Variants in LOC128462377 observed in about 807,000 individuals in gnomAD.
chr16:89,411,170 C>A, the LOC128462377 span, among the ~76,000 whole-genome samples: 2 of 152,268 alleles, frequency 1.3e-5, no homozygotes, highest in African/African-American at 2.4e-5. Flanking sequence ...CTGTCCACAC[C>A]CAGGGCCACG....
chr16:89,387,683 A>G, the LOC128462377 span, among the ~76,000 whole-genome samples: 1 of 144,948 alleles, frequency 6.9e-6, no homozygotes, highest in Non-Finnish European at 1.5e-5. Context: ...AAAAATAAAA[A>G]AAGAAAAAGA....
chr16:89,356,056 G>A, the LOC128462377 span, among the ~76,000 whole-genome samples: 1 of 152,194 alleles, frequency 6.6e-6, no homozygotes, highest in African/African-American at 2.4e-5. Flanking sequence ...ACTCCAGCCT[G>A]GGCACTGGAG....
At chr16:89,396,413 C>T in the LOC128462377 span, among the ~76,000 whole-genome samples, 1 of 152,212 alleles carries the variant, frequency 6.6e-6, no homozygotes, top group African/African-American at 2.4e-5. Flanking sequence ...AGCCCTGAGA[C>T]TCCCCTGCTG....
the LOC128462377 span, among the ~76,000 whole-genome samples, chr16:89,405,411 C>T: frequency 1.3e-5 from 2 of 151,886 alleles, no homozygotes; most frequent in Admixed American, 1.3e-4. Context: ...GTAGCCTCGA[C>T]CTCCTGGGCT....
At chr16:89,337,007 CAAAA>C in the LOC128462377 span, among the ~76,000 whole-genome samples, 139 of 47,734 alleles carry the variant, frequency 2.9e-3, no homozygotes, top group African/African-American at 0.011. Flanking sequence ...CTGGCTCTAC[CAAAA>C]AAAAAAAAAA....
chr16:89,409,299 C>A, the LOC128462377 span, among the ~76,000 whole-genome samples: 1 of 152,306 alleles, frequency 6.6e-6, no homozygotes, highest in South Asian at 2.1e-4. Context: ...AAAGCTCAAA[C>A]CCCCACAGGT....
chr16:89,343,773 G>C, the LOC128462377 span: 1 of 152,338 alleles, frequency 6.6e-6, no homozygotes, highest in Non-Finnish European at 1.5e-5. Flanking sequence ...CACCAGTGCA[G>C]CCTGCGTCAG....
the LOC128462377 span, among the ~76,000 whole-genome samples, chr16:89,378,570 AAT>A: frequency 6.6e-6 from 1 of 152,240 alleles, no homozygotes; most frequent in Non-Finnish European, 1.5e-5. Flanking sequence ...GCAGGCTGGA[AAT>A]AGTCTGGCTG....
chr16:89,348,428 T>A, the LOC128462377 span, among the ~76,000 whole-genome samples: 3 of 152,276 alleles, frequency 2.0e-5, no homozygotes, highest in East Asian at 5.8e-4. Flanking sequence ...TTAATGTGGG[T>A]GTTTCTCTAA....
chr16:89,408,122 A>G, the LOC128462377 span, among the ~76,000 whole-genome samples: 5 of 152,164 alleles, frequency 3.3e-5, no homozygotes, highest in African/African-American at 9.7e-5. Context: ...AAGAGAGGCC[A>G]AGACAGCTCG....
the LOC128462377 span, among the ~76,000 whole-genome samples, chr16:89,353,900 A>G: frequency 6.6e-6 from 1 of 152,228 alleles, no homozygotes. Flanking sequence ...CCTCTCATGC[A>G]GGGAGCGTGG....
chr16:89,359,466 C>G, the LOC128462377 span, among the ~76,000 whole-genome samples: 1 of 152,180 alleles, frequency 6.6e-6, no homozygotes, highest in African/African-American at 2.4e-5. Flanking sequence ...TGCTGCAGCC[C>G]CTCGGCCCCC....
the LOC128462377 span, among the ~76,000 whole-genome samples, chr16:89,321,993 C>T: frequency 6.6e-6 from 1 of 152,230 alleles, no homozygotes; most frequent in Admixed American, 6.5e-5. Context: ...TTTCACGTCT[C>T]TAGTTTGCTC....
the LOC128462377 span, among the ~76,000 whole-genome samples, chr16:89,391,214 C>G: frequency 7.4e-6 from 1 of 134,354 alleles, no homozygotes; most frequent in Non-Finnish European, 1.5e-5. Flanking sequence ...GGCGACAGAG[C>G]GAGACTCTGT....
At chr16:89,382,976 G>A in the LOC128462377 span, among the ~76,000 whole-genome samples, 2 of 152,218 alleles carry the variant, frequency 1.3e-5, no homozygotes, top group African/African-American at 4.8e-5. Context: ...GAGGAGCTGG[G>A]ATTACAGGCG....
At chr16:89,415,553 T>C in the LOC128462377 span, among the ~76,000 whole-genome samples, 34 of 151,846 alleles carry the variant, frequency 2.2e-4, no homozygotes, top group African/African-American at 8.2e-4. Context: ...TGTGAGCCAC[T>C]GCGCCCGGCA....
the LOC128462377 span, chr16:89,324,365 G>A: frequency 8.6e-6 from 8 of 934,388 alleles, no homozygotes; most frequent in Non-Finnish European, 1.2e-5. Flanking sequence ...AAAAAGCCAG[G>A]AGGGCGGCAC....
At chr16:89,364,416 C>T in the LOC128462377 span, among the ~76,000 whole-genome samples, 68 of 152,358 alleles carry the variant, frequency 4.5e-4, no homozygotes, top group Non-Finnish European at 9.1e-4. Flanking sequence ...ACATCCTACT[C>T]ACGGTAAGAA....
At chr16:89,324,535 G>A in the LOC128462377 span, 1 of 456,028 alleles carries the variant, frequency 2.2e-6, no homozygotes, top group African/African-American at 2.0e-5. Context: ...GATTCACATT[G>A]AGTCAGTGGA....
Sources: allele counts gnomAD v4.1 joint callset (sites outside exome capture counted in the v4.1 genomes callset), GRCh38; gene constraint gnomAD v4.1.1; transcripts MANE v1.5.